The following LAMA1 variants were observed in gnomAD, a reference collection of about 807,000 sequenced individuals.
The protein encoded by LAMA1 is laminin subunit alpha 1, also known as laminin subunit alpha-1.
A neutral mutation model predicts 348.7 loss-of-function variants in LAMA1; 219 were observed. The ratio of observed to expected loss-of-function variants is 0.63; its 90% CI spans 0.56 to 0.70. The LOEUF (loss-of-function observed/expected upper bound fraction) is 0.70. Ranked by LOEUF, LAMA1 falls within the 30% of genes least tolerant of loss-of-function variation. The pLI is 0.00. For missense variants in LAMA1, 3,744 were observed against 3,888.0 expected, an observed-to-expected ratio of 0.96 and a Z score of 0.99; for synonymous variants, 1,487 against 1,491.0, an observed-to-expected ratio of 1.00 and a Z score of 0.06.
In LAMA1 at chr18:7,012,154, T is replaced by C. The variant is rs1033668399; in HGVS notation, c.3364-16A>G. 1.5e-5 allele frequency: 25 copies of C among 1,613,382 alleles called. No individual in the cohort carries two copies. Among genetic ancestry groups the C allele is most frequent in the African/African-American group, 1.3e-5 (1 of 74,886 alleles). On this transcript the variant is annotated splice_polypyrimidine_tract_variant and intron_variant, in intron 23 of 62. Coordinates refer to ENST00000389658, the MANE Select transcript of LAMA1 (RefSeq NM_005559.4). The stretch of plus-strand genomic sequence containing the variant: ...AGACATTTTCCTACAGGGGAGCAAA[T>C]AAAGGACTCGTTTTTGCCTAAAAAA...
At chr18:7,101,544 T>C (rs1056233598) in intron 1 of LAMA1, among the ~76,000 whole-genome samples, 1 of 152,218 alleles carries the variant, frequency 6.6e-6, no homozygotes, top group Non-Finnish European at 1.5e-5. Flanking sequence ...GAAGTGCGTG[T>C]TGGATCCAAG....
At chr18:7,064,384 GC>G (rs1201061652) in intron 3 of LAMA1, among the ~76,000 whole-genome samples, 2 of 152,138 alleles carry the variant, frequency 1.3e-5, no homozygotes, top group African/African-American at 2.4e-5. Flanking sequence ...CTAGGCAGGG[GC>G]CAACTCCATA....
intron 1 of LAMA1, among the ~76,000 whole-genome samples, chr18:7,096,980 G>T (rs1053934923): frequency 3.9e-5 from 6 of 152,190 alleles, no homozygotes; most frequent in Non-Finnish European, 8.8e-5. Flanking sequence ...GGCTAGCCGT[G>T]AAAGCCAGCA....
Position 6,942,163 on chromosome 18 carries a change from G to A in LAMA1, c.9144C>T (p.Ser3048=). The change falls in exon 63 of 63, where the codon AGC becomes AGT. Residue 3048 remains serine (S), a synonymous_variant. Coordinates refer to ENST00000389658, the MANE Select transcript of LAMA1 (RefSeq NM_005559.4). Reference sequence around the variant, plus strand: ...TGAAGTCAAAGGACTGCACCTGCGGGCTCTTAATCAGAGCTAGCTTCCTCA... The same window carrying A: ...TGAAGTCAAAGGACTGCACCTGCGGACTCTTAATCAGAGCTAGCTTCCTCA... ...GCLRKLALIK[S]PQVQSFDFSR... 1 of 1,614,174 alleles carries A rather than the reference G, an allele frequency of 6.2e-7. No individual in the cohort carries two copies. The highest frequency in any genetic ancestry group is 8.5e-7 in the Non-Finnish European group (1 of 1,180,042).
At chr18:7,024,124 G>A (rs1306834962) in intron 18 of LAMA1, among the ~76,000 whole-genome samples, 3 of 151,992 alleles carry the variant, frequency 2.0e-5, no homozygotes, top group Non-Finnish European at 4.4e-5. Context: ...CATTACATGT[G>A]TGGGCCACCA....
At position 6,949,085 on chromosome 18, in the gene LAMA1, G is replaced by A; in HGVS notation, c.8556+16C>T. On this transcript the variant is annotated intron_variant, in intron 59 of 62. Coordinates refer to ENST00000389658, the MANE Select transcript of LAMA1 (RefSeq NM_005559.4). Reference sequence around the variant, plus strand: ...CACAACGAAGGTAAAATGTCAGTATGGAAAATGCTGCTTACATTTCCAATT... The same window carrying A: ...CACAACGAAGGTAAAATGTCAGTATAGAAAATGCTGCTTACATTTCCAATT... The A allele has an allele frequency of 6.2e-7, 1 of 1,614,100 alleles. No individual in the cohort carries two copies. The highest frequency in any genetic ancestry group is 1.3e-5 in the African/African-American group (1 of 75,032).
At chr18:7,116,248 T>C (rs1457926573) in intron 1 of LAMA1, among the ~76,000 whole-genome samples, 1 of 152,154 alleles carries the variant, frequency 6.6e-6, no homozygotes, top group East Asian at 1.9e-4. Context: ...CGGGGAACAA[T>C]AAGCTGAGGC....
At chr18:7,027,681 G>A (rs1212790460) in intron 16 of LAMA1, among the ~76,000 whole-genome samples, 2 of 152,166 alleles carry the variant, frequency 1.3e-5, no homozygotes, top group South Asian at 2.1e-4. Context: ...GGTGGTTCAC[G>A]CCTGTAATCC....
chr18:7,022,803 C>T (rs74860900), intron 19 of LAMA1, among the ~76,000 whole-genome samples: 2,062 of 152,256 alleles, frequency 0.014, 39 homozygotes, highest in African/African-American at 0.047. Context: ...CCATCTGCCT[C>T]GTGCAGCCTC....
At chr18:7,085,189 G>A (rs555943480) in intron 1 of LAMA1, among the ~76,000 whole-genome samples, 36 of 152,152 alleles carry the variant, frequency 2.4e-4, no homozygotes, top group Non-Finnish European at 4.0e-4. Context: ...TGAAACAAGA[G>A]AATATGAATA....
At position 7,117,707 on chromosome 18, in the gene LAMA1, A is replaced by ACGCCCCCGCGCATCT. The variant is rs759769272; in HGVS notation, c.-2_13dup (p.Gly4_Val5insGluMetArgGlyGly). ...GACACACAGCAGCAAGACCAGGAGCACGCCCCCGCGCATCTCGCCTCCGCC... is the reference window on the plus strand; with the variant it reads ...GACACACAGCAGCAAGACCAGGAGCACGCCCCCGCGCATCTCGCCCCCGCGCATCTCGCCTCCGCC... On this transcript the variant is annotated inframe_insertion, in exon 1 of 63. Coordinates refer to ENST00000389658, the MANE Select transcript of LAMA1 (RefSeq NM_005559.4). The ACGCCCCCGCGCATCT allele has an allele frequency of 1.3e-6, 2 of 1,597,280 alleles. No individual in the cohort carries two copies. Among genetic ancestry groups the ACGCCCCCGCGCATCT allele is most frequent in the Non-Finnish European group, 1.7e-6 (2 of 1,178,162 alleles).
intron 29 of LAMA1, among the ~76,000 whole-genome samples, chr18:7,002,767 T>G (rs936073734): frequency 6.6e-6 from 1 of 151,886 alleles, no homozygotes; most frequent in Non-Finnish European, 1.5e-5. Context: ...ATGTAAGGAG[T>G]TGAAGAATGG....
At chr18:7,015,596 T>C in intron 22 of LAMA1, 126 bp downstream of exon 22, 1 of 1,254,806 alleles carries the variant, frequency 8.0e-7, no homozygotes, top group East Asian at 2.3e-5. Flanking sequence ...GAGTTTTTTT[T>C]TTTTTTTTAA....
intron 19 of LAMA1, among the ~76,000 whole-genome samples, chr18:7,020,074 G>A (rs2057908488): frequency 6.6e-6 from 1 of 152,018 alleles, no homozygotes; most frequent in South Asian, 2.1e-4. Flanking sequence ...GAATAGCCAG[G>A]TACTTTATAT....
At chr18:7,092,422 G>A (rs1299222823) in intron 1 of LAMA1, among the ~76,000 whole-genome samples, 2 of 151,896 alleles carry the variant, frequency 1.3e-5, no homozygotes, top group African/African-American at 2.4e-5. Flanking sequence ...TCAGGAGATC[G>A]AGACCATCCT....
In LAMA1 at chr18:6,995,453, A is replaced by C; in HGVS notation, c.4807-7T>G. 7.0e-7 allele frequency: 1 copy of C among 1,423,050 alleles called. No individual in the cohort carries two copies. 88.2% of individuals were successfully genotyped at this position (1,423,050 alleles called of 1,614,324 possible). A position where few individuals can be genotyped will look rare whatever the true frequency, so the allele number is the denominator to read the frequency against. On this transcript the variant is annotated splice_polypyrimidine_tract_variant and splice_region_variant and intron_variant, in intron 33 of 62. Coordinates refer to ENST00000389658, the MANE Select transcript of LAMA1 (RefSeq NM_005559.4). The stretch of plus-strand genomic sequence containing the variant: ...TTTCTTTTAATAAAGATTCCTAGGA[A>C]GAATGGAGGAAACAAATTACAATGC...
At chr18:7,007,493 A>G (rs2057837989) in intron 28 of LAMA1, among the ~76,000 whole-genome samples, 2 of 151,968 alleles carry the variant, frequency 1.3e-5, no homozygotes, top group South Asian at 4.2e-4. Context: ...AAAACTAACA[A>G]GTATTGGTGA....
intron 19 of LAMA1, among the ~76,000 whole-genome samples, 183 bp downstream of exon 19, chr18:7,022,981 A>G (rs532591367): frequency 1.3e-5 from 2 of 152,286 alleles, no homozygotes; most frequent in Admixed American, 1.3e-4. Context: ...AGCTCAGGAT[A>G]GGGTAGCTAG....
intron 39 of LAMA1, 101 bp downstream of exon 39, chr18:6,985,136 C>G (rs753909531): frequency 7.1e-7 from 1 of 1,404,586 alleles, no homozygotes; most frequent in Non-Finnish European, 1.0e-6. Context: ...CTCATTTTTA[C>G]ACAAAGGAAG....
Sources: gnomAD v4.1 joint callset for allele counts (sites outside exome capture counted in the v4.1 genomes callset) on GRCh38, gnomAD v4.1.1 for gene constraint, MANE v1.5 for transcripts, NCBI Gene and HGNC (gene_info 2026-07-23, HGNC 2026-07-21) for gene names.